BABAM2: variants seen among roughly 807,000 people sequenced by gnomAD.
The protein encoded by BABAM2 is BRISC and BRCA1-A complex member 2.
Under a neutral mutation model 54.7 loss-of-function variants are expected in BABAM2, and 31 were observed. The observed-to-expected ratio is 0.57, with a 90% CI of 0.43 to 0.77. The LOEUF is 0.77. Ranked by LOEUF, BABAM2 falls within the 30% of genes least tolerant of loss-of-function variation. The pLI is 0.00. For missense variants in BABAM2, 364 were observed against 455.8 expected, an observed-to-expected ratio of 0.80 and a Z score of 1.83; for synonymous variants, 167 against 162.9, an observed-to-expected ratio of 1.03 and a Z score of -0.19.
intron 6 of BABAM2, among the ~76,000 whole-genome samples, chr2:28,118,370 C>T (rs983351696): frequency 3.3e-5 from 5 of 152,142 alleles, no homozygotes; most frequent in Non-Finnish European, 5.9e-5. Flanking sequence ...TCCACAACCT[C>T]GCCAGCATCT....
rs561512099 is a variant in BABAM2, at chr2:28,191,535, A to G, written c.681-45667A>G. 6.6e-5 allele frequency among the ~76,000 whole-genome samples: 10 copies of G among 152,368 alleles called. No individual in the cohort carries two copies. In the South Asian group the frequency reaches 2.1e-3, roughly 32 times the overall value. The stretch of plus-strand genomic sequence containing the variant: ...TGGATAAACAAATAGTGGGATATCC[A>G]TTACAATGGAATACGCCTCAGCAAT... On this transcript the variant is annotated intron_variant, in intron 7 of 11. Transcript: ENST00000379624.
At chr2:28,163,250 G>C (rs544776587) in intron 7 of BABAM2, among the ~76,000 whole-genome samples, 1 of 152,102 alleles carries the variant, frequency 6.6e-6, no homozygotes, top group East Asian at 1.9e-4. Context: ...GGGTGCCAGC[G>C]CTTCTTCCAG....
intron 7 of BABAM2, among the ~76,000 whole-genome samples, chr2:28,211,731 G>A (rs925251491): frequency 6.6e-6 from 1 of 151,788 alleles, no homozygotes; most frequent in African/African-American, 2.4e-5. Context: ...TTTGGAAGGG[G>A]TCCTATAATA....
chr2:28,113,411 T>G (rs1044318466), intron 6 of BABAM2, among the ~76,000 whole-genome samples: 14 of 152,212 alleles, frequency 9.2e-5, no homozygotes, highest in Admixed American at 7.9e-4. Context: ...TAGGGAATCT[T>G]TTCCCCATTG....
At chr2:28,252,864 A>G (rs11678504) in intron 10 of BABAM2, among the ~76,000 whole-genome samples, 1 of 152,150 alleles carries the variant, frequency 6.6e-6, no homozygotes, top group African/African-American at 2.4e-5. Flanking sequence ...AAAATTAGCA[A>G]TTTTGACTTC....
chr2:28,039,987 C>T (rs1222673481), intron 5 of BABAM2, among the ~76,000 whole-genome samples: 2 of 151,878 alleles, frequency 1.3e-5, no homozygotes, highest in South Asian at 2.1e-4. Context: ...TTATTCTGTT[C>T]ACTTGGCGGC....
chr2:28,088,617 G>A (rs1435268154), intron 6 of BABAM2, among the ~76,000 whole-genome samples: 1 of 152,096 alleles, frequency 6.6e-6, no homozygotes, highest in East Asian at 1.9e-4. Flanking sequence ...CCATACCTGG[G>A]GAGCTTTAAA....
intron 7 of BABAM2, among the ~76,000 whole-genome samples, chr2:28,141,337 G>A (rs1414631150): frequency 6.6e-6 from 1 of 152,088 alleles, no homozygotes; most frequent in Non-Finnish European, 1.5e-5. Flanking sequence ...CCAACAGATT[G>A]GGAACATTTG....
intron 5 of BABAM2, among the ~76,000 whole-genome samples, chr2:28,043,566 C>T (rs1268303637): frequency 1.3e-5 from 2 of 152,188 alleles, no homozygotes; most frequent in South Asian, 2.1e-4. Context: ...TCCCATTTAA[C>T]TCTATGCTGT....
chr2:27,924,490 T>C (rs1328553527), intron 2 of BABAM2, among the ~76,000 whole-genome samples: 1 of 152,128 alleles, frequency 6.6e-6, no homozygotes, highest in East Asian at 1.9e-4. Flanking sequence ...GCTCAAGCGA[T>C]TCTCCTTCCT....
chr2:28,265,936 T>C (rs1040996610), intron 10 of BABAM2, among the ~76,000 whole-genome samples: 1 of 152,140 alleles, frequency 6.6e-6, no homozygotes, highest in African/African-American at 2.4e-5. Flanking sequence ...ATTAGGCCTT[T>C]CAGAGTTTCT....
chr2:27,908,543 A>T (rs1219477427), intron 2 of BABAM2, among the ~76,000 whole-genome samples: 1 of 152,120 alleles, frequency 6.6e-6, no homozygotes, highest in Non-Finnish European at 1.5e-5. Flanking sequence ...AAAGTGCTGG[A>T]TTACAGGCGT....
chr2:28,027,006 A>G (rs1675911144), intron 5 of BABAM2, among the ~76,000 whole-genome samples: 1 of 125,766 alleles, frequency 8.0e-6, no homozygotes, highest in Admixed American at 9.9e-5. Flanking sequence ...ATAAATATAT[A>G]TATAAAAGAA....
chr2:27,937,997 A>G (rs918313964), intron 3 of BABAM2, among the ~76,000 whole-genome samples: 2 of 152,176 alleles, frequency 1.3e-5, no homozygotes, highest in African/African-American at 4.8e-5. Context: ...ATGAAAGGTA[A>G]GGGCTAGTGT....
intron 7 of BABAM2, chr2:28,233,123 T>A (rs893713655): frequency 2.2e-5 from 10 of 456,858 alleles, no homozygotes; most frequent in Non-Finnish European, 4.1e-5. Flanking sequence ...AACAGCCCTA[T>A]CACCCTTTTC....
chr2:28,311,758 C>G (rs2148283063), intron 11 of BABAM2, among the ~76,000 whole-genome samples: 1 of 152,310 alleles, frequency 6.6e-6, no homozygotes, highest in Non-Finnish European at 1.5e-5. Flanking sequence ...TTTAAGGTAG[C>G]TGAGCATACT....
chr2:27,924,232 G>A (rs756240544), intron 2 of BABAM2, among the ~76,000 whole-genome samples: 3 of 152,076 alleles, frequency 2.0e-5, no homozygotes, highest in African/African-American at 7.2e-5. Flanking sequence ...ACTTGAAGTG[G>A]GGATGGGAGT....
intron 6 of BABAM2, among the ~76,000 whole-genome samples, chr2:28,057,957 C>T (rs771318534): frequency 3.9e-5 from 6 of 152,034 alleles, no homozygotes; most frequent in Non-Finnish European, 8.8e-5. Context: ...TCCTGGCTAA[C>T]ACAGTGAAAC....
intron 4 of BABAM2, among the ~76,000 whole-genome samples, chr2:28,004,390 G>A (rs1488332969): frequency 6.6e-6 from 1 of 152,084 alleles, no homozygotes; most frequent in East Asian, 1.9e-4. Context: ...AAGTAGGTAG[G>A]ATTACAAAAA....
Sources: gnomAD v4.1 joint callset for allele counts (sites outside exome capture counted in the v4.1 genomes callset) on GRCh38, gnomAD v4.1.1 for gene constraint, MANE v1.5 for transcripts, NCBI Gene and HGNC (gene_info 2026-07-23, HGNC 2026-07-21) for gene names.